VWA8: variants seen among roughly 807,000 people sequenced by gnomAD.
VWA8 encodes the protein von Willebrand factor A domain-containing protein 8.
In VWA8, 221 loss-of-function variants were observed where a neutral mutation model predicts 241.5. That is an observed-to-expected ratio of 0.91 (90% CI 0.82 to 1.02). The LOEUF is 1.02. VWA8 is among the 50% of genes least tolerant of loss of function. VWA8 has a pLI of 0.00. For missense variants in VWA8, 2,322 were observed against 2,328.7 expected, an observed-to-expected ratio of 1.00 and a Z score of 0.06; for synonymous variants, 852 against 827.1, an observed-to-expected ratio of 1.03 and a Z score of -0.52.
chr13:41,742,483 C>T (rs1262038779), intron 21 of VWA8, among the ~76,000 whole-genome samples: 1 of 152,012 alleles, frequency 6.6e-6, no homozygotes, highest in Admixed American at 6.5e-5. Flanking sequence ...CTAAACTTAA[C>T]CATCAACAAA....
chr13:41,819,992 G>A (rs193275544), intron 14 of VWA8, among the ~76,000 whole-genome samples: 10 of 152,290 alleles, frequency 6.6e-5, no homozygotes, highest in Admixed American at 4.6e-4. Flanking sequence ...TGATTTTAAA[G>A]TGATCTCTCT....
At chr13:41,811,915 G>A (rs753972663) in intron 16 of VWA8, among the ~76,000 whole-genome samples, 1 of 152,122 alleles carries the variant, frequency 6.6e-6, no homozygotes, top group Non-Finnish European at 1.5e-5. Flanking sequence ...AGAGTTGCTA[G>A]TACAGAACTC....
chr13:41,882,999 C>G (rs1874337269), intron 9 of VWA8, among the ~76,000 whole-genome samples: 1 of 152,132 alleles, frequency 6.6e-6, no homozygotes, highest in African/African-American at 2.4e-5. Flanking sequence ...CATAATAACA[C>G]CAATTCCAAT....
intron 12 of VWA8, among the ~76,000 whole-genome samples, chr13:41,855,331 T>TAA (rs1872699687): frequency 6.9e-6 from 1 of 144,960 alleles, no homozygotes; most frequent in African/African-American, 2.5e-5. Flanking sequence ...TATATATATA[T>TAA]AATATATAAT....
At chr13:41,906,683 T>C (rs896539252) in intron 4 of VWA8, among the ~76,000 whole-genome samples, 2 of 152,206 alleles carry the variant, frequency 1.3e-5, no homozygotes, top group Non-Finnish European at 2.9e-5. Flanking sequence ...TCATGTTTTA[T>C]GTGAATATAC....
At chr13:41,571,334 C>CTCTCCCGTCTCCCTCTACCG (rs374198969) in intron 43 of VWA8, among the ~76,000 whole-genome samples, 1 of 138,916 alleles carries the variant, frequency 7.2e-6, no homozygotes, top group Admixed American at 7.0e-5. Flanking sequence ...TCCCGTCTCC[C>CTCTCCCGTCTCCCTCTACCG]TCTCCCTCTC....
chr13:41,844,885 A>G (rs1163557208), intron 12 of VWA8, among the ~76,000 whole-genome samples: 1 of 152,194 alleles, frequency 6.6e-6, no homozygotes, highest in African/African-American at 2.4e-5. Flanking sequence ...AACACTGCTG[A>G]AAAAAATCAC....
chr13:41,588,438 A>T (rs75725807), intron 41 of VWA8, among the ~76,000 whole-genome samples: 1 of 152,196 alleles, frequency 6.6e-6, no homozygotes, highest in East Asian at 1.9e-4. Context: ...AAAAAGAAGA[A>T]GGCTGCGTGC....
At chr13:41,880,723 A>G (rs1874129524) in intron 9 of VWA8, among the ~76,000 whole-genome samples, 2 of 152,178 alleles carry the variant, frequency 1.3e-5, no homozygotes, top group Non-Finnish European at 2.9e-5. Context: ...CCAAACATAC[A>G]TCATGAACTC....
At chr13:41,879,559 C>T (rs1874073091) in intron 9 of VWA8, among the ~76,000 whole-genome samples, 1 of 151,768 alleles carries the variant, frequency 6.6e-6, no homozygotes. Context: ...CACCTCTCTT[C>T]TCATTATCTA....
chr13:41,959,148 T>TA lies in VWA8; in HGVS notation c.163+1704dup, dbSNP rs529002599. On this transcript the variant is annotated intron_variant, in intron 1 of 44. Coordinates refer to ENST00000379310, the MANE Select transcript of VWA8 (RefSeq NM_015058.2). ...TAGCTAAAACTGTACATACTAAGAA[T>TA]AAAAAAGCTAACTTTTATTGAGCAT... Among the ~76,000 whole-genome samples the TA allele has an allele frequency of 1.7e-3, 260 of 152,268 alleles. 1 individual carries two copies. Among genetic ancestry groups the TA allele is most frequent in the African/African-American group, 6.0e-3 (248 of 41,546 alleles).
chr13:41,951,278 G>A (rs973825974), intron 1 of VWA8, among the ~76,000 whole-genome samples: 5 of 152,176 alleles, frequency 3.3e-5, no homozygotes, highest in Non-Finnish European at 7.4e-5. Context: ...TTAGCTGGGC[G>A]TGGTGGTACG....
chr13:41,877,521 C>T (rs1477220433), intron 9 of VWA8, among the ~76,000 whole-genome samples: 2 of 152,078 alleles, frequency 1.3e-5, no homozygotes, highest in Non-Finnish European at 1.5e-5. Context: ...TGTATCACTA[C>T]CTTTCTATAT....
chr13:41,614,980 T>C lies in VWA8; in HGVS notation c.4716A>G (p.Gly1572=). 6.2e-7 allele frequency: 1 copy of C among 1,613,068 alleles called. No individual in the cohort carries two copies. The highest frequency in any genetic ancestry group is 8.5e-7 in the Non-Finnish European group (1 of 1,179,930). ...GAGAATGCCTGTGCTACCAACCTGT[T>C]CCGCCAGCCCAAGTGTTGCCGCCCA... The part of the protein sequence containing the change: ...PHVGGNTWAG[G]TGGRDTAGLG... Residue 1572 remains glycine, a synonymous_variant, in exon 38 of 45, where the codon GGA becomes GGG. Transcript: ENST00000379310.
rs182727029 is a variant in VWA8, at chr13:41,610,423, A to T, written c.4877+1153T>A. ...GAGGACAGATAAACTGTCAACAGTC[A>T]CCAGGGAAGCCAGCAGAAGGGCTGA... On this transcript the variant is annotated intron_variant, in intron 39 of 44. Transcript: ENST00000379310. Among the ~76,000 whole-genome samples the T allele has an allele frequency of 1.1e-3, 174 of 152,330 alleles. 1 individual carries two copies. Among genetic ancestry groups the T allele is most frequent in the African/African-American group, 3.9e-3 (162 of 41,568 alleles).
chr13:41,605,153 T>C lies in VWA8; in HGVS notation c.4986+15A>G. 6.2e-7 allele frequency: 1 copy of C among 1,611,208 alleles called. No homozygotes were observed. The highest frequency in any genetic ancestry group is 8.5e-7 in the Non-Finnish European group (1 of 1,177,784). On this transcript the variant is annotated intron_variant, in intron 40 of 44. Transcript: ENST00000379310. ...GGGCCCAGGTTATTTTCTTGGTCCA[T>C]AAGTAGAAGATTACCTGTAAATTAT... is the stretch of plus-strand genomic sequence containing the variant.
chr13:41,570,385 G>T, intron 44 of VWA8, 83 bp downstream of exon 44: 1 of 1,243,244 alleles, frequency 8.0e-7, no homozygotes, highest in Non-Finnish European at 1.1e-6. Flanking sequence ...TGTCCCTCAT[G>T]GTGCTAAGCC....
intron 20 of VWA8, among the ~76,000 whole-genome samples, chr13:41,772,980 T>A (rs978212899): frequency 5.3e-5 from 8 of 152,238 alleles, no homozygotes; most frequent in Non-Finnish European, 1.2e-4. Flanking sequence ...CATCTCTAGA[T>A]ATAATTTCAA....
chr13:41,633,990 C>T (rs1294669988), intron 37 of VWA8, among the ~76,000 whole-genome samples: 3 of 152,264 alleles, frequency 2.0e-5, no homozygotes, highest in South Asian at 2.1e-4. Flanking sequence ...CACTTATCTC[C>T]CTTTGTGCCC....
Sources: gnomAD v4.1 joint callset for allele counts (sites outside exome capture counted in the v4.1 genomes callset) on GRCh38, gnomAD v4.1.1 for gene constraint, MANE v1.5 for transcripts, NCBI Gene and HGNC (gene_info 2026-07-23, HGNC 2026-07-21) for gene names.